The following CCDC138 variants were observed in gnomAD, a reference collection of about 807,000 sequenced individuals.
The protein encoded by CCDC138 is coiled-coil domain containing 138.
A neutral mutation model predicts 82.3 loss-of-function variants in CCDC138; 66 were observed. That is an observed-to-expected ratio of 0.80 (90% CI 0.66 to 0.98). The LOEUF (loss-of-function observed/expected upper bound fraction) is 0.98, where lower values mean the gene tolerates loss of function less well. Among genes scored for constraint, CCDC138 ranks in the 50% least tolerant of loss-of-function variants. The probability of loss-of-function intolerance (pLI) is 0.00; values close to 1 mark genes in which losing one functional copy is unlikely to be tolerated. For synonymous variants in CCDC138, 297 were observed against 265.4 expected, an observed-to-expected ratio of 1.12 and a Z score of -1.16; for missense variants, 816 against 758.9, an observed-to-expected ratio of 1.08 and a Z score of -0.88.
At chr2:108,882,138 A>T (rs1464363108) in intron 1 of CCDC138, 1 of 152,040 alleles carries the variant, frequency 6.6e-6, no homozygotes, top group Non-Finnish European at 1.5e-5. Flanking sequence ...TGGGCAACAG[A>T]GTGAGACCCT....
At position 108,789,624 on chromosome 2, in the gene CCDC138, C is replaced by A. The variant is rs751879082; in HGVS notation, c.266+658C>A. On this transcript the variant is annotated intron_variant, in intron 3 of 14. Coordinates refer to ENST00000295124, the MANE Select transcript of CCDC138 (RefSeq NM_144978.3). ...AAAAAACGAACTACAAAAAAAACTG[C>A]CATACAGGTTTTGTTAGGCAGCAGC... is the stretch of plus-strand genomic sequence containing the variant. Among the ~76,000 whole-genome samples, 79 of 152,062 alleles carry A rather than the reference C, an allele frequency of 5.2e-4. 1 individual carries two copies. The highest frequency in any genetic ancestry group is 6.0e-4 in the Non-Finnish European group (41 of 68,014).
intron 13 of CCDC138, 96 bp downstream of exon 13, chr2:108,857,066 CTTTTTTTTTTTTTTTTTTTTTTT>C (rs35540493): frequency 2.3e-5 from 1 of 43,056 alleles, no homozygotes; most frequent in African/African-American, 1.2e-4. Context: ...GATACTATTG[CTTTTTTTTTTTTTTTTTTTTTTT>C]TTTTTTTTGA....
chr2:108,853,872 C>T (rs1208679454), intron 12 of CCDC138, among the ~76,000 whole-genome samples: 2 of 113,700 alleles, frequency 1.8e-5, no homozygotes, highest in East Asian at 2.2e-4. Context: ...AATATATATA[C>T]TATATAATAT....
At position 108,846,820 on chromosome 2, in the gene CCDC138, C is replaced by A; in HGVS notation, c.1406C>A (p.Ser469Tyr). Residue 469 changes from serine to tyrosine, a missense_variant, in exon 12 of 15, where the codon TCT becomes TAT. By Grantham distance (144) the Ser-to-Tyr change is moderately radical. Coordinates refer to ENST00000295124, the MANE Select transcript of CCDC138 (RefSeq NM_144978.3). Reference sequence around the variant, plus strand: ...GTAACTAAAGGAATTCAGGATAATTCTCCACAGCATTCTGTGGAGAATAAA... The same window carrying A: ...GTAACTAAAGGAATTCAGGATAATTATCCACAGCATTCTGTGGAGAATAAA... ...GVVTKGIQDN[S>Y]PQHSVENKPK... 1.9e-6 allele frequency: 3 copies of A among 1,612,576 alleles called. No homozygotes were observed. The highest frequency in any genetic ancestry group is 8.5e-7 in the Non-Finnish European group (1 of 1,178,818).
At chr2:108,868,074 A>T (rs1694699007) in intron 13 of CCDC138, among the ~76,000 whole-genome samples, 1 of 152,240 alleles carries the variant, frequency 6.6e-6, no homozygotes, top group African/African-American at 2.4e-5. Context: ...GGACATAATC[A>T]TTACCAAAGA....
At position 108,846,721 on chromosome 2, in the gene CCDC138, G is replaced by C; in HGVS notation, c.1324-17G>C. The C allele has an allele frequency of 1.3e-6, 2 of 1,584,970 alleles. No homozygotes were observed. Among genetic ancestry groups the C allele is most frequent in the Non-Finnish European group, 1.7e-6 (2 of 1,164,346 alleles). ...GAACATGAATAAATATACTAAGATTGTACATATTTTTAACAGCACTCGACT... is the reference window on the plus strand; with the variant it reads ...GAACATGAATAAATATACTAAGATTCTACATATTTTTAACAGCACTCGACT... On this transcript the variant is annotated splice_polypyrimidine_tract_variant and intron_variant, in intron 11 of 14. Transcript: ENST00000295124.
At chr2:108,798,372 T>C (rs1021113129) in intron 5 of CCDC138, 56 bp from the exon 6 acceptor site, 2 of 1,567,600 alleles carry the variant, frequency 1.3e-6, no homozygotes, top group South Asian at 1.2e-5. Context: ...AATAGGAATA[T>C]AATTTGCAGA....
intron 13 of CCDC138, among the ~76,000 whole-genome samples, chr2:108,861,472 C>CTTTTTTTTTTTTTTTTTTT (rs201132350): frequency 2.4e-5 from 3 of 123,550 alleles, no homozygotes; most frequent in South Asian, 2.7e-4. Context: ...AACTTTCTTC[C>CTTTTTTTTTTTTTTTTTTT]TTTTTTTTTT....
chr2:108,852,453 T>C (rs1691668645), intron 12 of CCDC138, among the ~76,000 whole-genome samples: 1 of 152,236 alleles, frequency 6.6e-6, no homozygotes, highest in Admixed American at 6.5e-5. Flanking sequence ...ATGCATGTGT[T>C]GTGTTCATTG....
chr2:108,834,464 C>T (rs1413173958), intron 10 of CCDC138, among the ~76,000 whole-genome samples: 3 of 152,126 alleles, frequency 2.0e-5, no homozygotes, highest in African/African-American at 7.2e-5. Context: ...ATCCACACGC[C>T]TTGGCCTCCC....
intron 12 of CCDC138, among the ~76,000 whole-genome samples, chr2:108,854,707 G>C (rs1247303570): frequency 6.6e-6 from 1 of 152,100 alleles, no homozygotes; most frequent in Non-Finnish European, 1.5e-5. Flanking sequence ...GGCTGGGCTC[G>C]GCTGGGCTTG....
At chr2:108,793,585 CT>C (rs1214818354) in intron 4 of CCDC138, among the ~76,000 whole-genome samples, 1 of 151,148 alleles carries the variant, frequency 6.6e-6, no homozygotes, top group East Asian at 2.0e-4. Context: ...CCTCAGGAAA[CT>C]TTTTTTTGTT....
chr2:108,862,678 T>A (rs1280407361), intron 13 of CCDC138, among the ~76,000 whole-genome samples: 1 of 152,184 alleles, frequency 6.6e-6, no homozygotes, highest in Non-Finnish European at 1.5e-5. Flanking sequence ...GATATATAAT[T>A]TTCATTTAAT....
chr2:108,796,810 A>G (rs1019382812), intron 5 of CCDC138, among the ~76,000 whole-genome samples: 1 of 152,182 alleles, frequency 6.6e-6, no homozygotes, highest in Admixed American at 6.5e-5. Flanking sequence ...GGTGGTTACC[A>G]GAGGCTGGGA....
chr2:108,798,440 G>A lies in CCDC138; in HGVS notation c.589G>A (p.Ala197Thr), dbSNP rs991527774. 3 of 1,612,588 alleles carry A rather than the reference G, an allele frequency of 1.9e-6. No individual in the cohort carries two copies. The Admixed American group carries it at 5.0e-5, about 27-fold the overall frequency. ...CATTTTGATACAGTGTGAAACTGCA[G>A]CACAACAGAAATTTGCTGAAGAACT... ...IHLKLQCETA[A>T]QQKFAEELQK... The change falls in exon 6 of 15, where the codon GCA (alanine) becomes ACA (threonine). Residue 197 changes from alanine (A) to threonine (T), a missense_variant. Physicochemically the swap from Ala to Thr is moderately conservative, Grantham distance 58 (BLOSUM62 0). Coordinates refer to ENST00000295124, the MANE Select transcript of CCDC138 (RefSeq NM_144978.3).
At chr2:108,841,353 G>T in intron 11 of CCDC138, among the ~76,000 whole-genome samples, 1 of 152,120 alleles carries the variant, frequency 6.6e-6, no homozygotes, top group South Asian at 2.1e-4. Flanking sequence ...TGGAGAGATA[G>T]ATGGATGTTG....
intron 1 of CCDC138, 50 bp downstream of exon 1, chr2:108,786,965 G>A (rs756988156): frequency 1.5e-6 from 2 of 1,300,384 alleles, no homozygotes; most frequent in East Asian, 3.1e-5. Context: ...GCTGGGGGGC[G>A]GCCCGCTCCG....
At chr2:108,833,894 AT>A (rs749488565) in intron 10 of CCDC138, among the ~76,000 whole-genome samples, 812 of 79,204 alleles carry the variant, frequency 0.01, 16 homozygotes, top group African/African-American at 0.036. Context: ...CGCCCGGCTA[AT>A]TTTTTTTTTT....
chr2:108,798,816 TACACACACAC>T (rs61201793), intron 6 of CCDC138, among the ~76,000 whole-genome samples: 1,790 of 131,636 alleles, frequency 0.014, 47 homozygotes, highest in African/African-American at 0.048. Context: ...TCTCCACACC[TACACACACAC>T]ACACACACAC....
Sources: gnomAD v4.1 joint callset for allele counts (sites outside exome capture counted in the v4.1 genomes callset) on GRCh38, gnomAD v4.1.1 for gene constraint, MANE v1.5 for transcripts, NCBI Gene and HGNC (gene_info 2026-07-23, HGNC 2026-07-21) for gene names.